Variants in ST7L observed in about 807,000 individuals in gnomAD.
ST7L encodes the protein suppression of tumorigenicity 7 like.
A neutral mutation model predicts 72.5 loss-of-function variants in ST7L; 57 were observed. The observed-to-expected ratio is 0.79, with a 90% confidence interval of 0.64 to 0.98. The LOEUF is 0.98. Ranked by LOEUF, ST7L falls within the 50% of genes least tolerant of loss-of-function variation. The pLI is 0.00. For missense variants in ST7L, 576 were observed against 672.2 expected (o/e 0.86, Z 1.58); for synonymous variants, 221 against 240.9 (o/e 0.92, Z 0.77).
At chr1:112,518,076 A>G in the ST7L span, 3 of 152,404 alleles carry the variant, frequency 2.0e-5, no homozygotes, top group East Asian at 5.8e-4. Context: ...ATTCTGAAAC[A>G]GCTGAAAAAG....
At position 112,600,907 on chromosome 1, in the gene ST7L, A is replaced by C. The variant is rs183517593; in HGVS notation, c.452-59T>G. On this transcript the variant is annotated intron_variant, in intron 3 of 14. Transcript: ENST00000358039. Reference sequence around the variant, plus strand: ...GACACTTTAAAATCTTCATTTAACCAATATCTATTGTCTACCCACTGTAGG... The same window carrying C: ...GACACTTTAAAATCTTCATTTAACCCATATCTATTGTCTACCCACTGTAGG... The C allele has an allele frequency of 1.7e-4, 248 of 1,470,544 alleles. 1 individual carries two copies. In the Admixed American group the frequency reaches 4.7e-3, roughly 28 times the overall value. 91.1% of individuals were successfully genotyped at this position (1,470,544 alleles called of 1,614,324 possible).
intron 3 of ST7L, 60 bp from the exon 4 acceptor site, chr1:112,600,908 A>C (rs1369608176): frequency 2.0e-5 from 29 of 1,460,032 alleles, no homozygotes; most frequent in Non-Finnish European, 2.0e-5. Context: ...CATTTAACCA[A>C]TATCTATTGT....
chr1:112,599,829 T>A (rs536148815), intron 4 of ST7L, among the ~76,000 whole-genome samples: 2 of 152,250 alleles, frequency 1.3e-5, no homozygotes, highest in Non-Finnish European at 2.9e-5. Flanking sequence ...CAAATACTTA[T>A]ATGTATTATA....
At chr1:112,614,686 C>T (rs1344453024) in intron 2 of ST7L, among the ~76,000 whole-genome samples, 1 of 152,016 alleles carries the variant, frequency 6.6e-6, no homozygotes, top group East Asian at 1.9e-4. Flanking sequence ...GTGGTTCACG[C>T]CTGGAACCTT....
intron 3 of ST7L, among the ~76,000 whole-genome samples, chr1:112,604,977 C>G (rs1667983622): frequency 6.7e-6 from 1 of 150,182 alleles, no homozygotes; most frequent in African/African-American, 2.5e-5. Context: ...ATCCCAGCTA[C>G]TCGGGAGGCT....
chr1:112,600,874 G>GA, intron 3 of ST7L, 26 bp from the exon 4 acceptor site: 1 of 1,591,540 alleles, frequency 6.3e-7, no homozygotes, highest in South Asian at 1.1e-5. Context: ...GAAAAAGGGG[G>GA]AAAAAGAGAC....
chr1:112,553,430 G>C (rs533034464), intron 12 of ST7L, among the ~76,000 whole-genome samples: 3 of 152,198 alleles, frequency 2.0e-5, no homozygotes, highest in African/African-American at 2.4e-5. Context: ...CTGGCTTTTA[G>C]CAAATGGTTA....
rs979791710 is a variant in ST7L at position 112,524,610 on chromosome 1, G to C, written c.*1403C>G. On this transcript the variant is annotated 3_prime_UTR_variant, in exon 15 of 15. Transcript: ENST00000358039. The stretch of plus-strand genomic sequence containing the variant: ...CACCTGGTTATTGATGGCCTTGGTG[G>C]AGGCCTCTGCCCCGACCCTCCACTT... 6.6e-6 allele frequency: 1 copy of C among 152,614 alleles called. No individual in the cohort carries two copies. The highest frequency in any genetic ancestry group is 2.4e-5 in the African/African-American group (1 of 41,422). The allele number at this position is 152,614 out of a possible 1,614,324, so 9.5% of individuals were successfully genotyped here. A position where few individuals can be genotyped will look rare whatever the true frequency, so the allele number is the denominator to read the frequency against.
In ST7L at chr1:112,589,770, C is replaced by T. The variant is rs111252576; in HGVS notation, c.701+1755G>A. 1.3e-4 allele frequency among the ~76,000 whole-genome samples: 20 copies of T among 152,280 alleles called. 1 individual carries two copies. The highest frequency in any genetic ancestry group is 2.6e-4 in the African/African-American group (11 of 41,564). On this transcript the variant is annotated intron_variant, in intron 6 of 14. Transcript: ENST00000358039. ...GGCACACCTTCAACATTCAGCCAAA[C>T]AGTTTACAACTCTGCCTTAGCCTTC...
In ST7L at chr1:112,574,578, A is replaced by G. The variant is rs566527959; in HGVS notation, c.1245+2408T>C. Reference sequence around the variant, plus strand: ...GGAGGCTGAGGCAGGAGAATGGCATAAACCCGGGAGGCAGAGCTTGCAGTG... The same window carrying G: ...GGAGGCTGAGGCAGGAGAATGGCATGAACCCGGGAGGCAGAGCTTGCAGTG... On this transcript the variant is annotated intron_variant, in intron 11 of 14. Coordinates refer to ENST00000358039, the MANE Select transcript of ST7L (RefSeq NM_017744.5). 3.3e-3 allele frequency among the ~76,000 whole-genome samples: 494 copies of G among 150,856 alleles called. 2 individuals are homozygous for G. The highest frequency in any genetic ancestry group is 4.9e-3 in the Non-Finnish European group (333 of 67,562).
At chr1:112,585,601 C>T (rs552683915) in intron 6 of ST7L, among the ~76,000 whole-genome samples, 1 of 151,744 alleles carries the variant, frequency 6.6e-6, no homozygotes, top group East Asian at 1.9e-4. Flanking sequence ...GGCGCAGTGG[C>T]GGGTGCCTGT....
At chr1:112,551,263 C>T in intron 12 of ST7L, among the ~76,000 whole-genome samples, 1 of 150,960 alleles carries the variant, frequency 6.6e-6, no homozygotes, top group East Asian at 1.9e-4. Context: ...ATTCTCCTGC[C>T]TCAGCCTCCT....
intron 11 of ST7L, among the ~76,000 whole-genome samples, chr1:112,571,774 G>A (rs938306317): frequency 1.3e-5 from 2 of 152,140 alleles, no homozygotes; most frequent in Non-Finnish European, 2.9e-5. Context: ...ATTCATGTTT[G>A]TAACTATAGA....
At chr1:112,594,812 C>A (rs1274793535) in intron 5 of ST7L, among the ~76,000 whole-genome samples, 1 of 152,130 alleles carries the variant, frequency 6.6e-6, no homozygotes, top group Non-Finnish European at 1.5e-5. Context: ...ATATACAGAA[C>A]CTTCCACAAA....
chr1:112,538,682 A>G (rs545807481), intron 14 of ST7L, among the ~76,000 whole-genome samples: 2 of 152,256 alleles, frequency 1.3e-5, no homozygotes, highest in South Asian at 4.1e-4. Context: ...CCCAATCACC[A>G]TTTATACTAC....
At chr1:112,578,028 C>T (rs535047348) in intron 10 of ST7L, among the ~76,000 whole-genome samples, 1 of 151,158 alleles carries the variant, frequency 6.6e-6, no homozygotes, top group Admixed American at 6.6e-5. Flanking sequence ...TTGCTTTAGG[C>T]ACTTACCACA....
chr1:112,551,437 C>T (rs1447473898), intron 12 of ST7L, among the ~76,000 whole-genome samples: 1 of 152,174 alleles, frequency 6.6e-6, no homozygotes, highest in African/African-American at 2.4e-5. Flanking sequence ...TGTGAGCCAC[C>T]GCGCCCGGCC....
chr1:112,584,361 A>C (rs1293514360), intron 6 of ST7L, among the ~76,000 whole-genome samples: 2 of 151,976 alleles, frequency 1.3e-5, no homozygotes, highest in Non-Finnish European at 2.9e-5. Context: ...TTTTTAAAAA[A>C]AAAAAACAAA....
chr1:112,611,325 G>A (rs746591180), intron 2 of ST7L, among the ~76,000 whole-genome samples: 6 of 152,184 alleles, frequency 3.9e-5, no homozygotes, highest in Non-Finnish European at 8.8e-5. Flanking sequence ...TATTCTATCT[G>A]CAGCATAAAC....
Sources: allele counts gnomAD v4.1 joint callset (sites outside exome capture counted in the v4.1 genomes callset), GRCh38; gene constraint gnomAD v4.1.1; transcripts MANE v1.5; gene names NCBI Gene and HGNC (gene_info 2026-07-23, HGNC 2026-07-21).